The following GRID1 variants were observed in gnomAD, a reference collection of about 807,000 sequenced individuals.
GRID1 encodes the protein glutamate receptor ionotropic, delta-1.
In GRID1, 28 loss-of-function variants were observed where a neutral mutation model predicts 98.0. That is an observed-to-expected ratio of 0.29 (90% CI 0.21 to 0.39). The LOEUF is 0.39. GRID1 is among the 10% of genes least tolerant of loss of function. GRID1 has a pLI of 1.00. For synonymous variants in GRID1, 553 were observed against 538.5 expected (o/e 1.03, Z -0.37); for missense variants, 1,111 against 1,340.5 (o/e 0.83, Z 2.67).
At chr10:86,191,410 T>G (rs1845800934) in intron 3 of GRID1, among the ~76,000 whole-genome samples, 1 of 151,970 alleles carries the variant, frequency 6.6e-6, no homozygotes, top group Non-Finnish European at 1.5e-5. Flanking sequence ...TGGGACACAT[T>G]CAGGAAGGTG....
At chr10:86,096,273 A>G (rs907287067) in intron 4 of GRID1, among the ~76,000 whole-genome samples, 1 of 152,210 alleles carries the variant, frequency 6.6e-6, no homozygotes, top group Admixed American at 6.5e-5. Context: ...GTGCACCAAA[A>G]TCTCACAAAT....
At chr10:86,134,230 G>A (rs572766521) in intron 4 of GRID1, among the ~76,000 whole-genome samples, 2 of 152,222 alleles carry the variant, frequency 1.3e-5, no homozygotes, top group African/African-American at 4.8e-5. Context: ...TCTTGGAGAG[G>A]AGGAGGCACT....
At chr10:86,130,651 T>C (rs534572784) in intron 4 of GRID1, among the ~76,000 whole-genome samples, 1 of 152,256 alleles carries the variant, frequency 6.6e-6, no homozygotes, top group East Asian at 1.9e-4. Context: ...CAGCTCCCCA[T>C]CCATCCTACT....
At chr10:86,350,274 A>G (rs1265352706) in intron 2 of GRID1, among the ~76,000 whole-genome samples, 2 of 152,192 alleles carry the variant, frequency 1.3e-5, no homozygotes, top group African/African-American at 2.4e-5. Context: ...TCTTAGTGCA[A>G]TGGGGAGCCA....
At position 86,149,596 on chromosome 10, in the gene GRID1, A is replaced by G. The variant is rs370755693; in HGVS notation, c.521-10572T>C. Among the ~76,000 whole-genome samples the G allele has an allele frequency of 3.9e-5, 6 of 152,276 alleles. No homozygotes were observed. The East Asian group carries it at 7.7e-4, about 20-fold the overall frequency. ...ACATTTTAAATAATCAGGCTGGAAG[A>G]TCGAGATTAAAAACAATTTAAAATA... On this transcript the variant is annotated intron_variant, in intron 3 of 15. Coordinates refer to ENST00000327946, the MANE Select transcript of GRID1 (RefSeq NM_017551.3).
intron 2 of GRID1, among the ~76,000 whole-genome samples, chr10:86,268,513 T>C (rs987847380): frequency 6.6e-6 from 1 of 152,152 alleles, no homozygotes; most frequent in Non-Finnish European, 1.5e-5. Context: ...TTTGAACCCA[T>C]GCAAGGCGTG....
At chr10:85,839,808 T>C (rs967160248) in intron 8 of GRID1, among the ~76,000 whole-genome samples, 4 of 151,904 alleles carry the variant, frequency 2.6e-5, no homozygotes, top group African/African-American at 9.7e-5. Context: ...AAAAGATCAA[T>C]GAATCCAGGA....
At chr10:85,772,395 A>G (rs1472672099) in intron 8 of GRID1, among the ~76,000 whole-genome samples, 2 of 150,962 alleles carry the variant, frequency 1.3e-5, no homozygotes, top group East Asian at 3.9e-4. Context: ...TGACACCCTA[A>G]TGTCACAATT....
At chr10:85,729,385 G>T (rs1413097609) in intron 9 of GRID1, 128 bp downstream of exon 9, 14 of 570,232 alleles carry the variant, frequency 2.5e-5, no homozygotes, top group African/African-American at 5.6e-5. Context: ...TGAATGAAAG[G>T]CCTTATGAAA....
intron 4 of GRID1, among the ~76,000 whole-genome samples, chr10:85,925,122 A>G (rs1841757140): frequency 6.6e-6 from 1 of 152,238 alleles, no homozygotes; most frequent in Non-Finnish European, 1.5e-5. Flanking sequence ...AGGAGGCGCC[A>G]ATGAGTATTG....
chr10:85,855,319 G>A (rs956772542), intron 7 of GRID1, among the ~76,000 whole-genome samples: 1 of 152,208 alleles, frequency 6.6e-6, no homozygotes, highest in African/African-American at 2.4e-5. Flanking sequence ...AGGGAGCCGT[G>A]GTGAGCCCCT....
intron 14 of GRID1, 47 bp from the exon 15 acceptor site, chr10:85,613,694 T>A (rs779325805): frequency 6.3e-7 from 1 of 1,580,982 alleles, no homozygotes; most frequent in South Asian, 1.2e-5. Flanking sequence ...CGTCATCAAC[T>A]CAGCCACCGG....
At chr10:85,914,467 G>A (rs1043398786) in intron 5 of GRID1, among the ~76,000 whole-genome samples, 1 of 152,082 alleles carries the variant, frequency 6.6e-6, no homozygotes, top group Admixed American at 6.5e-5. Context: ...CAAGGATCAA[G>A]GCAGTCTCTC....
chr10:85,819,868 C>T (rs1222293910), intron 8 of GRID1, among the ~76,000 whole-genome samples: 1 of 151,392 alleles, frequency 6.6e-6, no homozygotes, highest in East Asian at 1.9e-4. Context: ...GAGCCAAGAT[C>T]ACACCATTGC....
At chr10:86,310,596 T>C (rs1057449564) in intron 2 of GRID1, among the ~76,000 whole-genome samples, 2 of 152,126 alleles carry the variant, frequency 1.3e-5, no homozygotes, top group African/African-American at 4.8e-5. Context: ...GAGAAAGGCA[T>C]ATATCTACCT....
In GRID1 at chr10:85,865,968, G is replaced by T. The variant is rs1163630001; in HGVS notation, c.951+3042C>A. Among the ~76,000 whole-genome samples the T allele has an allele frequency of 9.6e-3, 869 of 90,462 alleles. 31 individuals carry two copies. Among genetic ancestry groups the T allele is most frequent in the African/African-American group, 0.023 (441 of 19,252 alleles). The allele number at this position is 90,462 out of a possible 152,430, so 59.3% of individuals were successfully genotyped here. A position where few individuals can be genotyped will look rare whatever the true frequency, so the allele number is the denominator to read the frequency against. Reference sequence around the variant, plus strand: ...ACACATATATATGGAGAGAGAGAGAGAGAGAGAGAGAGAGAGAGAGAGAGA... The same window carrying T: ...ACACATATATATGGAGAGAGAGAGATAGAGAGAGAGAGAGAGAGAGAGAGA... On this transcript the variant is annotated intron_variant, in intron 6 of 15. Coordinates refer to ENST00000327946, the MANE Select transcript of GRID1 (RefSeq NM_017551.3).
At chr10:86,118,113 T>TAC (rs1247210832) in intron 4 of GRID1, among the ~76,000 whole-genome samples, 28 of 151,746 alleles carry the variant, frequency 1.8e-4, no homozygotes, top group Admixed American at 1.6e-3. Context: ...TAGATATATA[T>TAC]ACACACACAC....
chr10:85,922,930 C>T (rs1589299996), intron 4 of GRID1, among the ~76,000 whole-genome samples: 1 of 152,234 alleles, frequency 6.6e-6, no homozygotes, highest in South Asian at 2.1e-4. Flanking sequence ...AAGATGCTGA[C>T]TCAGCTGCTT....
At chr10:85,812,099 C>T (rs1390164819) in intron 8 of GRID1, among the ~76,000 whole-genome samples, 1 of 152,082 alleles carries the variant, frequency 6.6e-6, no homozygotes, top group Non-Finnish European at 1.5e-5. Context: ...CTAGGCAAAA[C>T]TGTTATTTAG....
Sources: allele counts gnomAD v4.1 joint callset (sites outside exome capture counted in the v4.1 genomes callset), GRCh38; gene constraint gnomAD v4.1.1; transcripts MANE v1.5; gene names NCBI Gene and HGNC (gene_info 2026-07-23, HGNC 2026-07-21).